The following SMIM27 variants were observed in gnomAD, a reference collection of about 807,000 sequenced individuals.
The protein encoded by SMIM27 is TOPORS antisense RNA 1 (non-protein coding).
A neutral mutation model predicts 1.8 loss-of-function variants in SMIM27; 3 were observed. The ratio of observed to expected loss-of-function variants is 1.65; its 90% CI spans 0.75 to 4.28. The LOEUF is 4.28. Ranked by LOEUF, SMIM27 falls within the 30% of genes most tolerant of loss-of-function variation. SMIM27 has a pLI of 0.02. For missense variants in SMIM27, 63 were observed against 37.0 expected (o/e 1.70, Z -1.83); for synonymous variants, 19 against 13.9 (o/e 1.37, Z -0.82).
At chr9:32,566,599 G>A (rs1821797884) in exon 2 of SMIM27, 9 of 785,260 alleles carry the variant, frequency 1.1e-5, no homozygotes, top group Admixed American at 6.8e-5. Flanking sequence ...CGGAGGACCC[G>A]CAGGAATTCC....
At chr9:32,560,203 G>A (rs1007629288) in intron 1 of SMIM27, among the ~76,000 whole-genome samples, 1 of 152,140 alleles carries the variant, frequency 6.6e-6, no homozygotes, top group Non-Finnish European at 1.5e-5. Context: ...AAAATCAAGA[G>A]AAAAAGTAAG....
intron 1 of SMIM27, among the ~76,000 whole-genome samples, chr9:32,560,127 G>T (rs1030309291): frequency 6.6e-6 from 1 of 152,182 alleles, no homozygotes; most frequent in Non-Finnish European, 1.5e-5. Context: ...ATTCAATTAG[G>T]CAGCAAAGGA....
intron 1 of SMIM27, among the ~76,000 whole-genome samples, chr9:32,562,785 C>G (rs996434323): frequency 1.3e-5 from 2 of 152,210 alleles, no homozygotes; most frequent in Non-Finnish European, 2.9e-5. Context: ...TCAATTGTCT[C>G]AATAATTGTT....
downstream of SMIM27, among the ~76,000 whole-genome samples, chr9:32,557,769 G>A (rs1024878426): frequency 3.6e-4 from 55 of 152,102 alleles, no homozygotes; most frequent in Non-Finnish European, 3.7e-4. Flanking sequence ...GAGCCACCGC[G>A]CCTGGCCCCT....
chr9:32,552,005 G>C (rs546110509), upstream of SMIM27, among the ~76,000 whole-genome samples: 8 of 152,042 alleles, frequency 5.3e-5, 1 homozygote, highest in African/African-American at 1.9e-4. Context: ...GGGAGGGAGC[G>C]GGGGAGAAAG....
At chr9:32,554,873 A>G (rs1308184723), downstream of SMIM27, among the ~76,000 whole-genome samples, 1 of 152,182 alleles carries the variant, frequency 6.6e-6, no homozygotes, top group Non-Finnish European at 1.5e-5. Context: ...AATATCTCCT[A>G]TAACTTGGAA....
chr9:32,557,062 T>C (rs886883483), downstream of SMIM27, among the ~76,000 whole-genome samples: 5 of 151,404 alleles, frequency 3.3e-5, no homozygotes, highest in Admixed American at 6.6e-5. Context: ...TTCACCATGT[T>C]GGCCAGGCTG....
rs946867032 is a variant in SMIM27, at chr9:32,566,576, C to T, written c.*123C>T. 104 of 782,988 alleles carry T rather than the reference C, an allele frequency of 1.3e-4. 1 individual carries two copies. In the Middle Eastern group the frequency reaches 1.6e-3, roughly 12 times the overall value. The allele number at this position is 782,988 out of a possible 1,614,324, so 48.5% of individuals were successfully genotyped here. The stretch of plus-strand genomic sequence containing the variant: ...CGTCGTACTGCACAGACTGGAGCTT[C>T]TGGCACATGGAGCGGAGGACCCGCA... On this transcript the variant is annotated 3_prime_UTR_variant, in exon 2 of 2. Transcript: ENST00000451672.
At chr9:32,556,178 A>G (rs893672619), downstream of SMIM27, among the ~76,000 whole-genome samples, 1 of 152,230 alleles carries the variant, frequency 6.6e-6, no homozygotes, top group African/African-American at 2.4e-5. Context: ...AGAAGCCAAG[A>G]GCTGTTTGGT....
At chr9:32,553,854 C>G, downstream of SMIM27, 2 of 1,495,346 alleles carry the variant, frequency 1.3e-6, no homozygotes, top group South Asian at 2.3e-5. Flanking sequence ...GCTCATAAGC[C>G]TTTTAACTTT....
At chr9:32,566,730 C>T in exon 2 of SMIM27, 1 of 902,014 alleles carries the variant, frequency 1.1e-6, no homozygotes, top group Non-Finnish European at 1.9e-6. Flanking sequence ...GGACTCCAAG[C>T]CTTCAAACCA....
At chr9:32,559,507 C>G (rs1217267750) in intron 1 of SMIM27, among the ~76,000 whole-genome samples, 1 of 152,098 alleles carries the variant, frequency 6.6e-6, no homozygotes, top group African/African-American at 2.4e-5. Flanking sequence ...GTCTTTTCTC[C>G]CTCACTTACT....
chr9:32,554,094 A>C, downstream of SMIM27: 1 of 492,376 alleles, frequency 2.0e-6, no homozygotes, highest in Non-Finnish European at 3.7e-6. Flanking sequence ...GTAGAAGCTG[A>C]CTAAATCTGA....
At chr9:32,552,525 C>G (rs1455756136) in intron 1 of SMIM27, 46 bp downstream of exon 1, 1 of 1,542,422 alleles carries the variant, frequency 6.5e-7, no homozygotes. Flanking sequence ...ACTCACTGGG[C>G]CCGCAGGCGG....
downstream of SMIM27, among the ~76,000 whole-genome samples, chr9:32,554,692 T>C (rs1463398147): frequency 6.6e-6 from 1 of 152,240 alleles, no homozygotes; most frequent in Non-Finnish European, 1.5e-5. Flanking sequence ...TATGCCATTA[T>C]ACATTTGGGC....
At chr9:32,553,949 GA>G, downstream of SMIM27, 1 of 1,567,468 alleles carries the variant, frequency 6.4e-7, no homozygotes, top group South Asian at 1.1e-5. Context: ...ATCACCCTAG[GA>G]AAACAAAGAT....
At chr9:32,555,067 T>C (rs936051029), downstream of SMIM27, among the ~76,000 whole-genome samples, 1 of 151,404 alleles carries the variant, frequency 6.6e-6, no homozygotes, top group Non-Finnish European at 1.5e-5. Context: ...AACACTTTGG[T>C]GCACGCTAGA....
At chr9:32,551,169 G>T (rs376302243), upstream of SMIM27, 1 of 657,224 alleles carries the variant, frequency 1.5e-6, no homozygotes, top group African/African-American at 1.8e-5. Flanking sequence ...CCCGGAGGAG[G>T]GCAGCGCGAC....
exon 2 of SMIM27, chr9:32,566,406 G>A (rs1821790373): frequency 5.5e-6 from 5 of 910,180 alleles, no homozygotes; most frequent in Non-Finnish European, 9.3e-6. Context: ...AGGTCCAGAA[G>A]AGGAGCCTGC....
Sources: allele counts gnomAD v4.1 joint callset (sites outside exome capture counted in the v4.1 genomes callset), GRCh38; gene constraint gnomAD v4.1.1; transcripts MANE v1.5; gene names NCBI Gene and HGNC (gene_info 2026-07-23, HGNC 2026-07-21).